IFNGR1: variants seen among roughly 807,000 people sequenced by gnomAD.
IFNGR1 encodes the protein AVP, type 2.
A neutral mutation model predicts 35.4 loss-of-function variants in IFNGR1; 23 were observed. The observed-to-expected ratio is 0.65, with a 90% CI of 0.47 to 0.92. The LOEUF is 0.92. Among genes scored for constraint, IFNGR1 ranks in the 40% least tolerant of loss-of-function variants. The probability of loss-of-function intolerance (pLI) is 0.00; values close to 1 mark genes in which losing one functional copy is unlikely to be tolerated. For missense variants in IFNGR1, 533 were observed against 583.4 expected, an observed-to-expected ratio of 0.91 and a Z score of 0.89; for synonymous variants, 199 against 209.5, an observed-to-expected ratio of 0.95 and a Z score of 0.43.
At position 137,203,679 on chromosome 6, in the gene IFNGR1, A is replaced by G; in HGVS notation, c.553T>C (p.Tyr185His). The change falls in exon 5 of 7, where the codon TAT (tyrosine) becomes CAT (histidine). Residue 185 changes from tyrosine (Y) to histidine (H), a missense_variant. Transcript: ENST00000367739. ...TCTTCCTTCTGCGTGAGTATTTTATACTGGATCTAGATGAAAAAAGAAAAC... is the reference window on the plus strand; with the variant it reads ...TCTTCCTTCTGCGTGAGTATTTTATGCTGGATCTAGATGAAAAAAGAAAAC... ...YVRMNGSEIQ[Y>H]KILTQKEDDC... 1 of 1,612,718 alleles carries G rather than the reference A, an allele frequency of 6.2e-7. No individual in the cohort carries two copies. Among genetic ancestry groups the G allele is most frequent in the South Asian group, 1.1e-5 (1 of 90,928 alleles).
chr6:137,199,486 A>T (rs189510084), intron 6 of IFNGR1, among the ~76,000 whole-genome samples: 26 of 84,156 alleles, frequency 3.1e-4, no homozygotes, highest in Admixed American at 5.7e-4. Flanking sequence ...TATAATTTAT[A>T]ATATATTATA....
At chr6:137,214,873 G>T (rs1377345691) in intron 1 of IFNGR1, among the ~76,000 whole-genome samples, 3 of 152,220 alleles carry the variant, frequency 2.0e-5, no homozygotes, top group African/African-American at 4.8e-5. Context: ...ATGGAAGAAT[G>T]AGTTAGCTGC....
At chr6:137,199,549 A>AT (rs1582629980) in intron 6 of IFNGR1, among the ~76,000 whole-genome samples, 1 of 12,684 alleles carries the variant, frequency 7.9e-5, no homozygotes, top group Non-Finnish European at 1.7e-4. Context: ...TATATTATAT[A>AT]ACATATAAAA....
At chr6:137,205,496 A>C (rs919533724) in intron 3 of IFNGR1, among the ~76,000 whole-genome samples, 32 of 152,222 alleles carry the variant, frequency 2.1e-4, no homozygotes. Context: ...TGAAAATCAC[A>C]GTGGCTGAAG....
chr6:137,204,555 T>C, intron 3 of IFNGR1, 51 bp from the exon 4 acceptor site: 1 of 1,396,678 alleles, frequency 7.2e-7, no homozygotes, highest in Non-Finnish European at 1.0e-6. Flanking sequence ...TGGAACTAAA[T>C]GGTACATTTC....
intron 5 of IFNGR1, among the ~76,000 whole-genome samples, chr6:137,201,477 A>G (rs1779275465): frequency 6.6e-6 from 1 of 152,134 alleles, no homozygotes; most frequent in Admixed American, 6.5e-5. Context: ...GATCGAGACA[A>G]TCTTGGCCAA....
Position 137,206,121 on chromosome 6 carries a change from A to G in IFNGR1, c.373+15T>C. On this transcript the variant is annotated intron_variant, in intron 3 of 6. Transcript: ENST00000367739. ...TTTCCAATTTAAAATTTACATGTGT[A>G]CACATTCTACTCACCATCTCGGCAT... is the stretch of plus-strand genomic sequence containing the variant. 6.2e-7 allele frequency: 1 copy of G among 1,605,442 alleles called. No homozygotes were observed. Among genetic ancestry groups the G allele is most frequent in the Non-Finnish European group, 8.5e-7 (1 of 1,172,096 alleles).
At chr6:137,200,084 G>A (rs182895838) in intron 6 of IFNGR1, among the ~76,000 whole-genome samples, 4 of 152,056 alleles carry the variant, frequency 2.6e-5, no homozygotes, top group African/African-American at 7.2e-5. Context: ...TCTCTAGCGC[G>A]TGTAAAATGG....
Position 137,198,192 on chromosome 6 carries a change from C to T in IFNGR1, c.1309G>A (p.Glu437Lys), listed in dbSNP as rs2114441575. Reference sequence around the variant, plus strand: ...AGCTCTTGTCCTTCTGTTTTTATTTCACCTTTATTATTTGGGGGAAATTCT... The same window carrying T: ...AGCTCTTGTCCTTCTGTTTTTATTTTACCTTTATTATTTGGGGGAAATTCT... ...DSEFPPNNKGEIKTEGQELIT... is the reference protein window; with the variant it reads ...DSEFPPNNKGKIKTEGQELIT... Residue 437 changes from glutamate to lysine, a missense_variant, in exon 7 of 7, where the codon GAA (glutamate) becomes AAA (lysine). Glu to Lys is a moderately conservative substitution (Grantham distance 56). Transcript: ENST00000367739. 1 of 1,614,074 alleles carries T rather than the reference C, an allele frequency of 6.2e-7. No homozygotes were observed. The highest frequency in any genetic ancestry group is 8.5e-7 in the Non-Finnish European group (1 of 1,180,012).
At position 137,207,014 on chromosome 6, in the gene IFNGR1, T is replaced by C; in HGVS notation, c.149A>G (p.Tyr50Cys). 4 of 1,613,902 alleles carry C rather than the reference T, an allele frequency of 2.5e-6. No homozygotes were observed. Among genetic ancestry groups the C allele is most frequent in the Non-Finnish European group, 3.4e-6 (4 of 1,179,824 alleles). Residue 50 changes from tyrosine to cysteine, a missense_variant, in exon 2 of 7, where the codon TAC becomes TGC. Physicochemically the swap from Tyr to Cys is radical, Grantham distance 194 (BLOSUM62 -2). Transcript: ENST00000367739. ...AACAGGGACCTGTGGCATGATCTGGTACTCCCAATATACGATAGGGTTCAT... is the reference window on the plus strand; with the variant it reads ...AACAGGGACCTGTGGCATGATCTGGCACTCCCAATATACGATAGGGTTCAT... ...YNMNPIVYWEYQIMPQVPVFT... is the reference protein window; with the variant it reads ...YNMNPIVYWECQIMPQVPVFT...
chr6:137,208,629 T>C (rs1779505235), intron 1 of IFNGR1, among the ~76,000 whole-genome samples: 1 of 152,176 alleles, frequency 6.6e-6, no homozygotes, highest in African/African-American at 2.4e-5. Flanking sequence ...GTTGAGCCTA[T>C]GGGTGTGCAG....
chr6:137,218,745 C>G (rs985393763), intron 1 of IFNGR1: 9 of 350,260 alleles, frequency 2.6e-5, no homozygotes, highest in African/African-American at 1.3e-4. Context: ...TTTCTTCGGG[C>G]AGTAGAAACC....
rs1779263079 is a variant in IFNGR1, at chr6:137,200,934, T to C, written c.808A>G (p.Ile270Val). The C allele has an allele frequency of 6.2e-7, 1 of 1,609,502 alleles. No individual in the cohort carries two copies. Among genetic ancestry groups the C allele is most frequent in the Non-Finnish European group, 8.5e-7 (1 of 1,176,166 alleles). Residue 270 changes from isoleucine to valine, a missense_variant, in exon 6 of 7, where the codon ATT becomes GTT. Physicochemically the swap from Ile to Val is conservative, Grantham distance 29 (BLOSUM62 3). Coordinates refer to ENST00000367739, the MANE Select transcript of IFNGR1 (RefSeq NM_000416.3). The part of the protein sequence containing the change: ...VLSLVFICFY[I>V]KKINPLKEKS... ...TCCTTCAATGGATTAATTTTCTTAA[T>C]ATAAAAACAGATGAATACCAGGCTA...
chr6:137,215,157 G>T, intron 1 of IFNGR1: 1 of 1,353,418 alleles, frequency 7.4e-7, no homozygotes. Context: ...AGAAAACAAA[G>T]GCTTAGAGAA....
intron 1 of IFNGR1, among the ~76,000 whole-genome samples, chr6:137,207,441 A>G (rs2114491822): frequency 6.6e-6 from 1 of 152,286 alleles, no homozygotes; most frequent in South Asian, 2.1e-4. Context: ...GATACTACAG[A>G]TTGTATTCAA....
intron 1 of IFNGR1, among the ~76,000 whole-genome samples, chr6:137,209,100 T>C (rs1779515790): frequency 6.6e-6 from 1 of 152,258 alleles, no homozygotes; most frequent in South Asian, 2.1e-4. Flanking sequence ...ATGGGCTCTA[T>C]AACTCCTTTG....
At position 137,200,963 on chromosome 6, in the gene IFNGR1, A is replaced by C. The variant is rs1349442485; in HGVS notation, c.779T>G (p.Val260Gly). The change falls in exon 6 of 7, where the codon GTG becomes GGG. Residue 260 changes from valine to glycine, a missense_variant. By Grantham distance (109) the Val-to-Gly change is moderately radical (BLOSUM62 -3). Coordinates refer to ENST00000367739, the MANE Select transcript of IFNGR1 (RefSeq NM_000416.3). ...AAAACAGATGAATACCAGGCTAAGC[A>C]CTAGAAAGAGTAGTAAAGCAGCAAC... ...PVVAALLLFL[V>G]LSLVFICFYI... 6.2e-7 allele frequency: 1 copy of C among 1,613,042 alleles called. No individual in the cohort carries two copies. Among genetic ancestry groups the C allele is most frequent in the African/African-American group, 1.3e-5 (1 of 75,038 alleles).
chr6:137,203,249 TTATTA>T (rs1469003538), intron 5 of IFNGR1, among the ~76,000 whole-genome samples: 1 of 152,240 alleles, frequency 6.6e-6, no homozygotes, highest in Non-Finnish European at 1.5e-5. Flanking sequence ...TTTTATGTAC[TTATTA>T]TATATTTTTT....
chr6:137,219,328 G>A lies in IFNGR1; in HGVS notation c.-1C>T. On this transcript the variant is annotated 5_prime_UTR_variant, in exon 1 of 7. Coordinates refer to ENST00000367739, the MANE Select transcript of IFNGR1 (RefSeq NM_000416.3). The stretch of plus-strand genomic sequence containing the variant: ...GGGGTAGGAGAAAGAGGAGAGCCAT[G>A]CTGCTACCGACGGTCGCTGGCTCCA... 6.2e-7 allele frequency: 1 copy of A among 1,605,280 alleles called. No individual in the cohort carries two copies. The highest frequency in any genetic ancestry group is 8.5e-7 in the Non-Finnish European group (1 of 1,176,370).
Sources: gnomAD v4.1 joint callset for allele counts (sites outside exome capture counted in the v4.1 genomes callset) on GRCh38, gnomAD v4.1.1 for gene constraint, MANE v1.5 for transcripts, NCBI Gene and HGNC (gene_info 2026-07-23, HGNC 2026-07-21) for gene names.